GPHN: variants seen among roughly 807,000 people sequenced by gnomAD.
GPHN encodes gephyrin.
A neutral mutation model predicts 95.5 loss-of-function variants in GPHN; 17 were observed. The ratio of observed to expected loss-of-function variants is 0.18; its 90% CI spans 0.12 to 0.27. The LOEUF (loss-of-function observed/expected upper bound fraction) is 0.27. Among genes scored for constraint, GPHN ranks in the 10% least tolerant of loss-of-function variants. The pLI is 1.00. For missense variants in GPHN, 660 were observed against 978.1 expected (o/e 0.67, Z 4.34); for synonymous variants, 320 against 322.5 (o/e 0.99, Z 0.08).
the GPHN span, chr14:67,385,454 A>C: frequency 0.15 from 23,195 of 150,382 alleles, 3,412 homozygotes; most frequent in East Asian, 0.41. Flanking sequence ...AAAAAAAAAA[A>C]AACCAAAAAT....
At chr14:66,948,036 G>A (rs1487297927) in intron 8 of GPHN, among the ~76,000 whole-genome samples, 1 of 152,110 alleles carries the variant, frequency 6.6e-6, no homozygotes, top group Non-Finnish European at 1.5e-5. Context: ...TATATTAAAT[G>A]AATATAATAA....
chr14:66,902,313 C>A (rs2065159843), intron 5 of GPHN, among the ~76,000 whole-genome samples: 1 of 152,058 alleles, frequency 6.6e-6, no homozygotes, highest in Non-Finnish European at 1.5e-5. Flanking sequence ...ATGTCATCTG[C>A]AAACAAGTCT....
intron 8 of GPHN, among the ~76,000 whole-genome samples, chr14:66,952,625 C>T (rs1455875847): frequency 1.3e-5 from 2 of 152,142 alleles, no homozygotes; most frequent in African/African-American, 4.8e-5. Context: ...AGAGCTGCAT[C>T]ATTTTACATA....
chr14:66,620,772 A>G (rs2063256188), intron 1 of GPHN, among the ~76,000 whole-genome samples: 1 of 152,172 alleles, frequency 6.6e-6, no homozygotes, highest in African/African-American at 2.4e-5. Context: ...TCAAAAGTCC[A>G]CAGTCCAAAG....
chr14:66,522,045 C>A (rs965458769), intron 1 of GPHN, among the ~76,000 whole-genome samples: 4 of 152,042 alleles, frequency 2.6e-5, no homozygotes, highest in Non-Finnish European at 5.9e-5. Context: ...CAGATAGTTT[C>A]AAATTGGAAT....
the GPHN span, chr14:67,340,207 A>G: frequency 2.2e-6 from 1 of 460,164 alleles, no homozygotes; most frequent in African/African-American, 1.9e-5. Context: ...TCAAACCTAA[A>G]CAGTTTCTCT....
chr14:67,471,810 G>A, the GPHN span: 1 of 152,376 alleles, frequency 6.6e-6, no homozygotes, highest in Non-Finnish European at 1.5e-5. Flanking sequence ...CAGGGAAGAG[G>A]ACATTCTCTC....
At chr14:66,737,945 C>A (rs2072445542) in intron 2 of GPHN, among the ~76,000 whole-genome samples, 2 of 152,166 alleles carry the variant, frequency 1.3e-5, no homozygotes, top group African/African-American at 4.8e-5. Flanking sequence ...CAAGTTAGAG[C>A]AAGTTACACA....
intron 1 of GPHN, among the ~76,000 whole-genome samples, chr14:66,622,343 T>A (rs1215537149): frequency 2.0e-5 from 3 of 152,088 alleles, no homozygotes; most frequent in Non-Finnish European, 2.9e-5. Context: ...CAAAACCATG[T>A]TTTCCTCCTA....
chr14:67,719,434 G>A, the GPHN span, among the ~76,000 whole-genome samples: 2 of 152,120 alleles, frequency 1.3e-5, no homozygotes, highest in East Asian at 3.8e-4. Flanking sequence ...AATGTGTCCT[G>A]CAGGTTATCA....
At chr14:67,277,567 G>A in the GPHN span, among the ~76,000 whole-genome samples, 2 of 151,668 alleles carry the variant, frequency 1.3e-5, no homozygotes, top group African/African-American at 4.8e-5. Flanking sequence ...GGAGGTAGTA[G>A]GTTTATTACT....
At chr14:67,627,253 G>GGA in the GPHN span, among the ~76,000 whole-genome samples, 8 of 51,626 alleles carry the variant, frequency 1.5e-4, no homozygotes, top group Admixed American at 3.3e-4. Flanking sequence ...TGATCAGTAA[G>GGA]GAGATATATA....
the GPHN span, among the ~76,000 whole-genome samples, chr14:67,599,439 T>C: frequency 9.2e-5 from 14 of 152,112 alleles, no homozygotes; most frequent in African/African-American, 3.4e-4. Context: ...ACGTCCAAAA[T>C]TTCATAAACC....
chr14:66,927,275 G>A (rs577265342), intron 8 of GPHN, among the ~76,000 whole-genome samples: 1 of 152,022 alleles, frequency 6.6e-6, no homozygotes, highest in South Asian at 2.1e-4. Flanking sequence ...CTTGAACCTG[G>A]GAGGTGGAGG....
intron 3 of GPHN, among the ~76,000 whole-genome samples, chr14:66,803,179 T>C (rs1394488084): frequency 1.3e-5 from 2 of 152,146 alleles, no homozygotes; most frequent in East Asian, 1.9e-4. Context: ...CTGAGTTTTA[T>C]CCAGTTTCGC....
chr14:67,646,735 A>G, the GPHN span: 5 of 1,609,856 alleles, frequency 3.1e-6, no homozygotes, highest in Non-Finnish European at 4.3e-6. Flanking sequence ...GACCCTCCTG[A>G]ACAGTAAGTT....
the GPHN span, among the ~76,000 whole-genome samples, chr14:67,459,690 C>T: frequency 1.3e-5 from 2 of 152,302 alleles, no homozygotes; most frequent in South Asian, 4.1e-4. Context: ...TTCTGTGCCT[C>T]CCAGTACTAA....
At chr14:66,668,805 T>C (rs919066907) in intron 1 of GPHN, among the ~76,000 whole-genome samples, 2 of 152,120 alleles carry the variant, frequency 1.3e-5, no homozygotes, top group African/African-American at 4.8e-5. Flanking sequence ...GAAAAAGTGC[T>C]TCCTTCTAGC....
At chr14:66,552,993 C>CTTTTTTTTTTTTTTTTTTTTTTT (rs1177667115) in intron 1 of GPHN, among the ~76,000 whole-genome samples, 1 of 128,344 alleles carries the variant, frequency 7.8e-6, no homozygotes, top group African/African-American at 3.0e-5. Context: ...CTTTTCTTTT[C>CTTTTTTTTTTTTTTTTTTTTTTT]TTTTTTCTTT....
Sources: gnomAD v4.1 joint callset for allele counts (sites outside exome capture counted in the v4.1 genomes callset) on GRCh38, gnomAD v4.1.1 for gene constraint, MANE v1.5 for transcripts, NCBI Gene and HGNC (gene_info 2026-07-23, HGNC 2026-07-21) for gene names.